XPR1: variants seen among roughly 807,000 people sequenced by gnomAD.
The protein encoded by XPR1 is xenotropic and polytropic retrovirus receptor 1.
In XPR1, 28 loss-of-function variants were observed where a neutral mutation model predicts 87.5. The ratio of observed to expected loss-of-function variants is 0.32; its 90% CI spans 0.24 to 0.44. The LOEUF (loss-of-function observed/expected upper bound fraction) is 0.44. XPR1 is among the 20% of genes least tolerant of loss of function. The probability of loss-of-function intolerance (pLI) is 1.00; values close to 1 mark genes in which losing one functional copy is unlikely to be tolerated. For missense variants in XPR1, 559 were observed against 862.3 expected (o/e 0.65, Z 4.41); for synonymous variants, 300 against 306.1 (o/e 0.98, Z 0.21).
chr1:180,827,879 A>T (rs1386664601), intron 9 of XPR1, among the ~76,000 whole-genome samples: 1 of 21,438 alleles, frequency 4.7e-5, no homozygotes. Context: ...TTTTTTCTTT[A>T]ATTTTTTTTT....
chr1:180,745,006 T>G (rs530379829), intron 2 of XPR1, among the ~76,000 whole-genome samples: 1 of 152,308 alleles, frequency 6.6e-6, no homozygotes, highest in South Asian at 2.1e-4. Context: ...AATATTAGTG[T>G]TGTTTTCAAA....
chr1:180,636,649 T>C, intron 1 of XPR1, among the ~76,000 whole-genome samples: 1 of 152,078 alleles, frequency 6.6e-6, no homozygotes, highest in East Asian at 1.9e-4. Flanking sequence ...TGGGAAGCAT[T>C]TAAGAGAATG....
At position 180,834,779 on chromosome 1, in the gene XPR1, A is replaced by G. The variant is rs1399489881; in HGVS notation, c.1135-95A>G. The G allele has an allele frequency of 6.6e-6, 9 of 1,356,076 alleles. No homozygotes were observed. In the Admixed American group the frequency reaches 1.1e-4, roughly 16 times the overall value. 84.0% of individuals were successfully genotyped at this position (1,356,076 alleles called of 1,614,324 possible). ...TGGTTCTTTGGTTTCCATTTTATCA[A>G]CTAAAGTAATCATGCTGAATGGTCA... On this transcript the variant is annotated intron_variant, in intron 9 of 14. Coordinates refer to ENST00000367590, the MANE Select transcript of XPR1 (RefSeq NM_004736.4).
chr1:180,866,836 A>C (rs1298188765), intron 12 of XPR1, among the ~76,000 whole-genome samples: 1 of 139,924 alleles, frequency 7.1e-6, no homozygotes, highest in Non-Finnish European at 1.5e-5. Flanking sequence ...TTATACTCTA[A>C]GTTTTAGGGT....
intron 2 of XPR1, among the ~76,000 whole-genome samples, chr1:180,692,863 CAATG>C (rs1466688772): frequency 1.5e-4 from 23 of 151,952 alleles, no homozygotes; most frequent in Admixed American, 1.5e-3. Flanking sequence ...AAGCTGGAAG[CAATG>C]AAGAAATGTT....
chr1:180,822,638 A>G (rs886995044), intron 7 of XPR1, among the ~76,000 whole-genome samples: 1 of 152,200 alleles, frequency 6.6e-6, no homozygotes, highest in Non-Finnish European at 1.5e-5. Flanking sequence ...AAGTAAAAGG[A>G]AAAAGAAACT....
chr1:180,798,117 CTAAAG>C (rs1649651306), intron 3 of XPR1, among the ~76,000 whole-genome samples: 1 of 151,670 alleles, frequency 6.6e-6, no homozygotes, highest in Non-Finnish European at 1.5e-5. Context: ...CTTCAAAACA[CTAAAG>C]TGATACATAA....
intron 9 of XPR1, among the ~76,000 whole-genome samples, chr1:180,831,351 CTTTTCT>C (rs1553252324): frequency 8.3e-5 from 8 of 96,062 alleles, no homozygotes; most frequent in Admixed American, 1.1e-4. Flanking sequence ...TTTCTATTTT[CTTTTCT>C]TTTTCTTTTT....
chr1:180,865,403 C>G (rs1571904830), intron 12 of XPR1, among the ~76,000 whole-genome samples: 1 of 140,590 alleles, frequency 7.1e-6, no homozygotes, highest in Non-Finnish European at 1.6e-5. Context: ...ACATTTGTTT[C>G]TTTTTTTTTT....
intron 1 of XPR1, among the ~76,000 whole-genome samples, chr1:180,666,861 A>G (rs1454639427): frequency 6.6e-6 from 1 of 151,702 alleles, no homozygotes; most frequent in African/African-American, 2.4e-5. Context: ...TTGAACAGAA[A>G]TGATGAAAAT....
intron 7 of XPR1, among the ~76,000 whole-genome samples, chr1:180,814,018 C>T (rs1650316390): frequency 6.6e-6 from 1 of 152,126 alleles, no homozygotes; most frequent in Admixed American, 6.5e-5. Context: ...TTCTTGATTG[C>T]AGGGACTATG....
intron 2 of XPR1, among the ~76,000 whole-genome samples, chr1:180,688,194 A>G (rs1025176422): frequency 6.6e-6 from 1 of 151,154 alleles, no homozygotes; most frequent in African/African-American, 2.4e-5. Flanking sequence ...CTGGGATTAC[A>G]GGTGCCTGCC....
At chr1:180,752,315 T>G (rs12097114) in intron 2 of XPR1, among the ~76,000 whole-genome samples, 2 of 152,126 alleles carry the variant, frequency 1.3e-5, no homozygotes, top group African/African-American at 4.8e-5. Context: ...TTTGATATTA[T>G]GTGGTTAAAT....
At chr1:180,654,098 G>A (rs1013228781) in intron 1 of XPR1, among the ~76,000 whole-genome samples, 17 of 152,154 alleles carry the variant, frequency 1.1e-4, no homozygotes, top group Admixed American at 1.3e-4. Flanking sequence ...TTCTGTTAAA[G>A]TAGTGTGTTT....
At chr1:180,650,218 T>G (rs1655251089) in intron 1 of XPR1, among the ~76,000 whole-genome samples, 2 of 152,112 alleles carry the variant, frequency 1.3e-5, no homozygotes, top group African/African-American at 4.8e-5. Context: ...ACTGGAATAT[T>G]TACCGCCGTC....
chr1:180,655,615 A>G (rs1043458821), intron 1 of XPR1, among the ~76,000 whole-genome samples: 2 of 151,862 alleles, frequency 1.3e-5, no homozygotes, highest in African/African-American at 4.8e-5. Flanking sequence ...ATGAAGTCCA[A>G]TTTGTCTATT....
chr1:180,712,215 A>G (rs1657824126), intron 2 of XPR1, among the ~76,000 whole-genome samples: 1 of 152,204 alleles, frequency 6.6e-6, no homozygotes, highest in Non-Finnish European at 1.5e-5. Context: ...TGGCCATTAA[A>G]TAAAATAAGT....
At chr1:180,880,420 C>A in intron 14 of XPR1, 123 bp downstream of exon 14, 1 of 1,054,058 alleles carries the variant, frequency 9.5e-7, no homozygotes, top group South Asian at 1.6e-5. Flanking sequence ...CATTTTTCAC[C>A]TACAAAAAAA....
At chr1:180,785,568 C>T (rs1276791967) in intron 2 of XPR1, among the ~76,000 whole-genome samples, 2 of 151,870 alleles carry the variant, frequency 1.3e-5, no homozygotes, top group South Asian at 2.1e-4. Flanking sequence ...TTCTCAGAGG[C>T]CTGGATTTTT....
Sources: allele counts gnomAD v4.1 joint callset (sites outside exome capture counted in the v4.1 genomes callset), GRCh38; gene constraint gnomAD v4.1.1; transcripts MANE v1.5; gene names NCBI Gene and HGNC (gene_info 2026-07-23, HGNC 2026-07-21).